PLSCR5: variants seen among roughly 807,000 people sequenced by gnomAD.
PLSCR5 encodes the protein phospholipid scramblase family, member 5.
PLSCR5 carries 44 observed loss-of-function variants against 33.6 expected under a neutral mutation model. The ratio of observed to expected loss-of-function variants is 1.31; its 90% confidence interval spans 1.03 to 1.69. PLSCR5 has a LOEUF of 1.69. Ranked by LOEUF, PLSCR5 falls within the 40% of genes most tolerant of loss-of-function variation. The probability of loss-of-function intolerance (pLI) is 0.00; values close to 1 mark genes in which losing one functional copy is unlikely to be tolerated. For missense variants in PLSCR5, 375 were observed against 318.7 expected, an observed-to-expected ratio of 1.18 and a Z score of -1.34; for synonymous variants, 148 against 112.3, an observed-to-expected ratio of 1.32 and a Z score of -2.01.
At chr3:146,594,241 A>G in intron 3 of PLSCR5, 101 bp from the exon 4 acceptor site, 2 of 797,430 alleles carry the variant, frequency 2.5e-6, no homozygotes, top group East Asian at 2.7e-5. Context: ...TGTCTGATCA[A>G]TTATTAAATA....
intron 7 of PLSCR5, among the ~76,000 whole-genome samples, chr3:146,577,081 T>A (rs201691960): frequency 2.6e-5 from 4 of 152,130 alleles, no homozygotes; most frequent in East Asian, 1.9e-4. Context: ...TGGATATTTT[T>A]AAAAAATAGC....
intron 7 of PLSCR5, among the ~76,000 whole-genome samples, chr3:146,580,012 A>G (rs2044622995): frequency 6.6e-6 from 1 of 152,214 alleles, no homozygotes; most frequent in Non-Finnish European, 1.5e-5. Context: ...CCCACTTAGC[A>G]TGGAAGACAC....
chr3:146,596,456 GCT>G (rs2044762411), intron 2 of PLSCR5, among the ~76,000 whole-genome samples: 1 of 152,134 alleles, frequency 6.6e-6, no homozygotes, highest in Non-Finnish European at 1.5e-5. Context: ...CTCCCAAAGT[GCT>G]GGCATTACAG....
chr3:146,581,632 T>C (rs542348367), downstream of PLSCR5, among the ~76,000 whole-genome samples: 6 of 152,348 alleles, frequency 3.9e-5, no homozygotes, highest in South Asian at 4.1e-4. Context: ...AGAGTGACTA[T>C]AGTTAATAAC....
At chr3:146,595,480 GC>G (rs1389947850) in intron 2 of PLSCR5, among the ~76,000 whole-genome samples, 1 of 152,112 alleles carries the variant, frequency 6.6e-6, no homozygotes, top group Non-Finnish European at 1.5e-5. Flanking sequence ...GTAGTGGCGT[GC>G]GCCTCTAGTC....
At chr3:146,576,996 A>G (rs181821319) in intron 7 of PLSCR5, among the ~76,000 whole-genome samples, 1 of 149,670 alleles carries the variant, frequency 6.7e-6, no homozygotes, top group Non-Finnish European at 1.5e-5. Context: ...GTCTTTTTTT[A>G]AAAAAAAGAA....
At position 146,600,390 on chromosome 3, in the gene PLSCR5, G is replaced by A; in HGVS notation, c.87C>T (p.Ala29=). The change falls in exon 2 of 8, where the codon GCC becomes GCT. Residue 29 remains alanine, a synonymous_variant. Transcript: ENST00000443512. The part of the protein sequence containing the change: ...GAPDPDQSLP[A]SSNPGNQAWQ... ...ATGCTTGGTTCCCTGGATTGGAAGA[G>A]GCAGGAAGGCTTTGGTCTGGGTCTG... The A allele has an allele frequency of 6.2e-7, 1 of 1,610,346 alleles. No homozygotes were observed. The highest frequency in any genetic ancestry group is 8.5e-7 in the Non-Finnish European group (1 of 1,178,012).
intron 2 of PLSCR5, among the ~76,000 whole-genome samples, chr3:146,599,017 T>C (rs562725107): frequency 6.6e-4 from 101 of 152,324 alleles, no homozygotes; most frequent in African/African-American, 2.4e-3. Flanking sequence ...AGATAGACTT[T>C]ATAGTTTGAA....
At chr3:146,591,487 C>T (rs2044713722) in intron 5 of PLSCR5, among the ~76,000 whole-genome samples, 1 of 151,764 alleles carries the variant, frequency 6.6e-6, no homozygotes, top group African/African-American at 2.4e-5. Flanking sequence ...ATATGATGGC[C>T]AAGGTGATAA....
chr3:146,591,358 A>G (rs1054826539), intron 5 of PLSCR5, among the ~76,000 whole-genome samples: 2 of 152,102 alleles, frequency 1.3e-5, no homozygotes, highest in Non-Finnish European at 2.9e-5. Context: ...TATTCTAATC[A>G]AAGAGATATA....
intron 1 of PLSCR5, among the ~76,000 whole-genome samples, chr3:146,604,553 A>G (rs1013165203): frequency 4.6e-5 from 7 of 152,124 alleles, no homozygotes; most frequent in African/African-American, 9.6e-5. Context: ...TTAAGAATCA[A>G]TAATAACGCA....
At chr3:146,600,773 C>G (rs2044807094) in intron 1 of PLSCR5, among the ~76,000 whole-genome samples, 3 of 149,494 alleles carry the variant, frequency 2.0e-5, no homozygotes, top group Admixed American at 1.3e-4. Flanking sequence ...CATATATATA[C>G]TTACTGCATA....
intron 7 of PLSCR5, among the ~76,000 whole-genome samples, chr3:146,579,906 A>C (rs2044622381): frequency 6.6e-6 from 1 of 152,186 alleles, no homozygotes. Context: ...TTCATTCTTC[A>C]TTCTGACTAC....
intron 3 of PLSCR5, 108 bp downstream of exon 3, chr3:146,594,933 A>T: frequency 3.5e-6 from 2 of 569,960 alleles, no homozygotes; most frequent in Non-Finnish European, 5.5e-6. Context: ...ATTCTATTCT[A>T]CACATTTAAC....
chr3:146,583,032 C>G (rs548004233), downstream of PLSCR5, among the ~76,000 whole-genome samples: 7 of 151,914 alleles, frequency 4.6e-5, no homozygotes, highest in Non-Finnish European at 1.5e-5. Context: ...GCACCCATTC[C>G]CTAGCCCCCT....
At chr3:146,577,906 T>C (rs1035824629) in intron 7 of PLSCR5, among the ~76,000 whole-genome samples, 1 of 152,126 alleles carries the variant, frequency 6.6e-6, no homozygotes, top group African/African-American at 2.4e-5. Flanking sequence ...ATTAAACATA[T>C]ATATTACCTA....
At chr3:146,604,911 G>A (rs2044851709) in intron 1 of PLSCR5, among the ~76,000 whole-genome samples, 1 of 152,050 alleles carries the variant, frequency 6.6e-6, no homozygotes, top group South Asian at 2.1e-4. Context: ...TAACATTGAA[G>A]ATTCCCATTC....
chr3:146,588,098 G>T (rs1345193812), intron 6 of PLSCR5, among the ~76,000 whole-genome samples: 1 of 152,084 alleles, frequency 6.6e-6, no homozygotes, highest in Admixed American at 6.6e-5. Flanking sequence ...ATTACCAAAA[G>T]TGCATAACCT....
intron 7 of PLSCR5, among the ~76,000 whole-genome samples, chr3:146,577,343 G>A (rs2044605084): frequency 6.6e-6 from 1 of 152,110 alleles, no homozygotes; most frequent in Non-Finnish European, 1.5e-5. Flanking sequence ...CTCCATGGAT[G>A]TGTCTTGGTT....
Sources: gnomAD v4.1 joint callset for allele counts (sites outside exome capture counted in the v4.1 genomes callset) on GRCh38, gnomAD v4.1.1 for gene constraint, MANE v1.5 for transcripts, NCBI Gene and HGNC (gene_info 2026-07-23, HGNC 2026-07-21) for gene names.